Variants in NCR3LG1 observed in about 807,000 individuals in gnomAD.
NCR3LG1 encodes the protein natural killer cell cytotoxicity receptor 3 ligand 1, also known as natural cytotoxicity triggering receptor 3 ligand 1.
In NCR3LG1, 35 loss-of-function variants were observed where a neutral mutation model predicts 34.8. That is an observed-to-expected ratio of 1.01 (90% CI 0.77 to 1.33). The LOEUF (loss-of-function observed/expected upper bound fraction) is 1.33. NCR3LG1 is among the 40% of genes most tolerant of loss of function. The pLI is 0.00. For synonymous variants in NCR3LG1, 173 were observed against 163.6 expected (o/e 1.06, Z -0.44); for missense variants, 452 against 423.3 (o/e 1.07, Z -0.60).
intron 3 of NCR3LG1, 132 bp from the exon 4 acceptor site, chr11:17,368,735 G>A (rs750707014): frequency 1.9e-5 from 13 of 680,186 alleles, no homozygotes; most frequent in Non-Finnish European, 2.8e-5. Flanking sequence ...GCTGAGACAT[G>A]TGGCAGAGGG....
At chr11:17,360,521 C>G (rs780510916) in intron 2 of NCR3LG1, among the ~76,000 whole-genome samples, 1 of 152,044 alleles carries the variant, frequency 6.6e-6, no homozygotes, top group African/African-American at 2.4e-5. Flanking sequence ...TATAGTTTTA[C>G]CATTGACATT....
At position 17,351,877 on chromosome 11, in the gene NCR3LG1, CTT is replaced by C. The variant is rs778320827; in HGVS notation, c.-91_-90del. 1.7e-4 allele frequency: 174 copies of C among 1,007,576 alleles called. No individual in the cohort carries two copies. The highest frequency in any genetic ancestry group is 1.6e-3 in the Middle Eastern group (8 of 4,866). The allele number at this position is 1,007,576 out of a possible 1,614,324, so 62.4% of individuals were successfully genotyped here. On this transcript the variant is annotated 5_prime_UTR_variant, in exon 1 of 5. Transcript: ENST00000338965. ...AATCCCGGCTGTGTCTCCGTCAACT[CTT>C]TACGCAACAGAGGTCTCCCCCTGCC...
chr11:17,357,420 C>T (rs1953223136), intron 2 of NCR3LG1, among the ~76,000 whole-genome samples: 1 of 152,170 alleles, frequency 6.6e-6, no homozygotes, highest in African/African-American at 2.4e-5. Flanking sequence ...TTAATTACCT[C>T]TTTAAAGAAC....
chr11:17,371,984 C>T lies in NCR3LG1; in HGVS notation c.859-22C>T, dbSNP rs531602698. ...AAGGACAAAGGAGACTAAGGGATGC[C>T]TTTTCTCTCCTCTTTTTCTAGATAT... On this transcript the variant is annotated intron_variant, in intron 4 of 4. Coordinates refer to ENST00000338965, the MANE Select transcript of NCR3LG1 (RefSeq NM_001202439.3). 25 of 690,488 alleles carry T rather than the reference C, an allele frequency of 3.6e-5. No individual in the cohort carries two copies. The African/African-American group carries it at 4.0e-4, about 11-fold the overall frequency. 42.8% of individuals were successfully genotyped at this position (690,488 alleles called of 1,614,324 possible).
At chr11:17,381,101 C>T (rs1953511042), downstream of NCR3LG1, 1 of 152,242 alleles carries the variant, frequency 6.6e-6, no homozygotes, top group South Asian at 2.1e-4. Context: ...TCACAGTCAG[C>T]CTGCATGGTG....
At chr11:17,362,514 C>G (rs1227206871) in intron 2 of NCR3LG1, among the ~76,000 whole-genome samples, 8 of 152,052 alleles carry the variant, frequency 5.3e-5, no homozygotes, top group African/African-American at 1.9e-4. Context: ...CTGTCTACTT[C>G]TACTTTCTGG....
At position 17,373,415 on chromosome 11, in the gene NCR3LG1, A is replaced by T. The variant is rs1247278176; in HGVS notation, c.*903A>T. ...GCCACCTCAACCCTGTCCAGTATAC[A>T]ATGGGGACCACTGGAAGGCAGACTG... On this transcript the variant is annotated 3_prime_UTR_variant, in exon 5 of 5. Coordinates refer to ENST00000338965, the MANE Select transcript of NCR3LG1 (RefSeq NM_001202439.3). 1 of 152,158 alleles carries T rather than the reference A, an allele frequency of 6.6e-6. No individual in the cohort carries two copies. The highest frequency in any genetic ancestry group is 1.5e-5 in the Non-Finnish European group (1 of 68,102). 9.4% of individuals were successfully genotyped at this position (152,158 alleles called of 1,614,324 possible). A position where few individuals can be genotyped will look rare whatever the true frequency, so the allele number is the denominator to read the frequency against.
chr11:17,374,684 G>A lies in NCR3LG1; in HGVS notation c.*2172G>A, dbSNP rs1364006211. On this transcript the variant is annotated 3_prime_UTR_variant, in exon 5 of 5. Coordinates refer to ENST00000338965, the MANE Select transcript of NCR3LG1 (RefSeq NM_001202439.3). ...TCCCCAGAACCCTCAAGCAGCTGAG[G>A]GATGCTTGGGCATTACAGGTTTTTG... 2 of 152,060 alleles carry A rather than the reference G, an allele frequency of 1.3e-5. No individual in the cohort carries two copies. The highest frequency in any genetic ancestry group is 2.4e-5 in the African/African-American group (1 of 41,408). 9.4% of individuals were successfully genotyped at this position (152,060 alleles called of 1,614,324 possible).
chr11:17,355,481 A>G (rs1485261179), intron 1 of NCR3LG1, among the ~76,000 whole-genome samples: 1 of 152,234 alleles, frequency 6.6e-6, no homozygotes, highest in Admixed American at 6.5e-5. Flanking sequence ...TTATGAGTAA[A>G]TTTAACGAAA....
chr11:17,351,966 G>T lies in NCR3LG1; in HGVS notation c.-4G>T, dbSNP rs1219142903. 1 of 1,530,214 alleles carries T rather than the reference G, an allele frequency of 6.5e-7. No homozygotes were observed. The highest frequency in any genetic ancestry group is 8.7e-7 in the Non-Finnish European group (1 of 1,144,086). The allele number at this position is 1,530,214 out of a possible 1,614,324, so 94.8% of individuals were successfully genotyped here. On this transcript the variant is annotated 5_prime_UTR_variant, in exon 1 of 5. Transcript: ENST00000338965. ...AAAAAAATTACACAACAGCAGCCGC[G>T]GCGATGACGTGGAGGGCTGCCGCCT...
intron 2 of NCR3LG1, among the ~76,000 whole-genome samples, chr11:17,358,108 C>T (rs913494858): frequency 3.3e-5 from 5 of 152,160 alleles, no homozygotes; most frequent in African/African-American, 4.8e-5. Context: ...TCACGCCCTG[C>T]ATACCATTTC....
At chr11:17,379,518 C>A (rs1329409288), downstream of NCR3LG1, among the ~76,000 whole-genome samples, 1 of 152,144 alleles carries the variant, frequency 6.6e-6, no homozygotes, top group African/African-American at 2.4e-5. Context: ...TCTTGTGTGT[C>A]TTCATTTGCT....
At chr11:17,368,230 G>A (rs1433997531) in intron 3 of NCR3LG1, among the ~76,000 whole-genome samples, 7 of 152,102 alleles carry the variant, frequency 4.6e-5, no homozygotes, top group African/African-American at 1.4e-4. Flanking sequence ...CACAGTTCAC[G>A]GCAGACCCAC....
At chr11:17,379,925 A>G (rs570236151), downstream of NCR3LG1, among the ~76,000 whole-genome samples, 3 of 152,270 alleles carry the variant, frequency 2.0e-5, no homozygotes, top group East Asian at 5.8e-4. Context: ...TGAGGAGTGC[A>G]GTCAGCTGAT....
At chr11:17,352,109 T>G in intron 1 of NCR3LG1, 70 bp downstream of exon 1, 1 of 1,081,412 alleles carries the variant, frequency 9.2e-7, no homozygotes, top group Non-Finnish European at 1.3e-6. Context: ...GTCGGCTCCC[T>G]AGCATCCCGC....
At chr11:17,360,831 G>C (rs1022625044) in intron 2 of NCR3LG1, among the ~76,000 whole-genome samples, 5 of 152,070 alleles carry the variant, frequency 3.3e-5, no homozygotes, top group Admixed American at 3.3e-4. Context: ...CTGCCTCCTG[G>C]GCCCTGGCAA....
chr11:17,358,966 A>G lies in NCR3LG1; in HGVS notation c.421+1965A>G, dbSNP rs573867311. On this transcript the variant is annotated intron_variant, in intron 2 of 4. Transcript: ENST00000338965. ...GTTTTATTTAATTTTTGGCAAATTCATATCAAGAATTTTGTTTGATTTTAA... is the reference window on the plus strand; with the variant it reads ...GTTTTATTTAATTTTTGGCAAATTCGTATCAAGAATTTTGTTTGATTTTAA... 1.4e-4 allele frequency among the ~76,000 whole-genome samples: 21 copies of G among 152,260 alleles called. No homozygotes were observed. The South Asian group carries it at 3.3e-3, about 24-fold the overall frequency.
chr11:17,368,459 G>GGT (rs1668882548), intron 3 of NCR3LG1, among the ~76,000 whole-genome samples: 1 of 152,016 alleles, frequency 6.6e-6, no homozygotes, highest in Non-Finnish European at 1.5e-5. Flanking sequence ...GTTAGGACTA[G>GGT]GTGTGTGTGT....
At chr11:17,368,644 G>A (rs757433696) in intron 3 of NCR3LG1, among the ~76,000 whole-genome samples, 2 of 152,156 alleles carry the variant, frequency 1.3e-5, no homozygotes, top group Non-Finnish European at 2.9e-5. Context: ...TATGTGGTAC[G>A]TGGTGTTCAT....
Sources: allele counts gnomAD v4.1 joint callset (sites outside exome capture counted in the v4.1 genomes callset), GRCh38; gene constraint gnomAD v4.1.1; transcripts MANE v1.5; gene names NCBI Gene and HGNC (gene_info 2026-07-23, HGNC 2026-07-21).